DYNC2H1: variants seen among roughly 807,000 people sequenced by gnomAD.
DYNC2H1 encodes cytoplasmic dynein 2 heavy chain 1.
In DYNC2H1, 410 loss-of-function variants were observed where a neutral mutation model predicts 570.0. The ratio of observed to expected loss-of-function variants is 0.72; its 90% CI spans 0.66 to 0.78. The LOEUF is 0.78. Among genes scored for constraint, DYNC2H1 ranks in the 30% least tolerant of loss-of-function variants. The pLI, the probability that DYNC2H1 is intolerant of heterozygous loss-of-function variation, is 0.00. For missense variants in DYNC2H1, 4,865 were observed against 5,046.4 expected (o/e 0.96, Z 1.09); for synonymous variants, 1,688 against 1,677.6 (o/e 1.01, Z -0.15).
At position 103,153,464 on chromosome 11, in the gene DYNC2H1, A is replaced by G. The variant is rs1322276844; in HGVS notation, c.3258A>G (p.Lys1086=). The change falls in exon 22 of 89, where the codon AAA becomes AAG. Residue 1086 remains lysine, a synonymous_variant. Transcript: ENST00000375735. The stretch of plus-strand genomic sequence containing the variant: ...AAAGTGCAAAGTTAATAAAAGAGAA[A>G]AAAATTGAGTTTGATGATCTTGAAG... ...LDKSAKLIKE[K]KIEFDDLEVT... 3.3e-5 allele frequency: 52 copies of G among 1,568,296 alleles called. No homozygotes were observed. Among genetic ancestry groups the G allele is most frequent in the Non-Finnish European group, 4.1e-5 (48 of 1,158,532 alleles).
chr11:103,290,681 C>G (rs1272179939), intron 75 of DYNC2H1, among the ~76,000 whole-genome samples: 1 of 152,006 alleles, frequency 6.6e-6, no homozygotes, highest in Non-Finnish European at 1.5e-5. Context: ...TCTCTGCCCC[C>G]CTACTCCTAT....
At chr11:103,430,892 T>C (rs1943863783) in intron 84 of DYNC2H1, among the ~76,000 whole-genome samples, 1 of 152,184 alleles carries the variant, frequency 6.6e-6, no homozygotes, top group Non-Finnish European at 1.5e-5. Flanking sequence ...TCACAGTGCT[T>C]ATCGCTATTA....
chr11:103,450,196 G>A (rs1189876543), intron 85 of DYNC2H1, among the ~76,000 whole-genome samples: 1 of 152,106 alleles, frequency 6.6e-6, no homozygotes, highest in Non-Finnish European at 1.5e-5. Context: ...AACAGAGTTT[G>A]AAAATAAATG....
chr11:103,313,295 C>T (rs892149779), intron 79 of DYNC2H1, among the ~76,000 whole-genome samples: 2 of 152,174 alleles, frequency 1.3e-5, no homozygotes, highest in Admixed American at 1.3e-4. Context: ...CTCTTTCTCA[C>T]CAAAGGCTCT....
intron 77 of DYNC2H1, among the ~76,000 whole-genome samples, chr11:103,306,359 C>T (rs547923420): frequency 1.9e-4 from 29 of 152,002 alleles, no homozygotes; most frequent in Non-Finnish European, 3.5e-4. Flanking sequence ...AATTAGAACT[C>T]GTAGAAACAG....
chr11:103,158,043 C>T (rs920523082), intron 26 of DYNC2H1, among the ~76,000 whole-genome samples: 1 of 152,158 alleles, frequency 6.6e-6, no homozygotes. Flanking sequence ...TTTAACAATA[C>T]TTTACTTTTC....
intron 87 of DYNC2H1, among the ~76,000 whole-genome samples, chr11:103,467,516 GTTTT>G (rs1260242101): frequency 2.4e-4 from 6 of 25,274 alleles, no homozygotes; most frequent in Admixed American, 5.5e-4. Flanking sequence ...GCACTGTTTT[GTTTT>G]GTTTTGTTTT....
chr11:103,401,321 C>T (rs961953699), intron 84 of DYNC2H1, among the ~76,000 whole-genome samples: 12 of 152,000 alleles, frequency 7.9e-5, no homozygotes, highest in South Asian at 2.1e-4. Context: ...AACTATATGC[C>T]GTACAGAGTA....
chr11:103,257,785 A>T lies in DYNC2H1; in HGVS notation c.10605+34A>T, dbSNP rs1243573829. The T allele has an allele frequency of 6.1e-6, 9 of 1,466,236 alleles. No individual in the cohort carries two copies. The South Asian group carries it at 1.2e-4, about 20-fold the overall frequency. The allele number at this position is 1,466,236 out of a possible 1,614,324, so 90.8% of individuals were successfully genotyped here. On this transcript the variant is annotated intron_variant, in intron 69 of 88. Transcript: ENST00000375735. The stretch of plus-strand genomic sequence containing the variant: ...TTGGATACCCTGTACCAGAGACTGA[A>T]TTACAGGGATTACTTTACTAGGGAT...
chr11:103,208,156 T>A (rs2931803), intron 52 of DYNC2H1, among the ~76,000 whole-genome samples: 1 of 152,100 alleles, frequency 6.6e-6, no homozygotes, highest in Non-Finnish European at 1.5e-5. Context: ...TGACAAAAGG[T>A]TGGTGGCTAA....
In DYNC2H1 at chr11:103,252,380, A is replaced by T. The variant is rs755282314; in HGVS notation, c.10043-905A>T. On this transcript the variant is annotated intron_variant, in intron 65 of 88. Coordinates refer to ENST00000375735, the MANE Select transcript of DYNC2H1 (RefSeq NM_001377.3). This position sits in a 1 kb window ranked among gnomAD's most constrained non-coding sequence, Gnocchi z 4.6. Reference sequence around the variant, plus strand: ...CTTTGGGCATATACCCAGAAAAAAGATTGCTGGGTCATATGGTAGTTCTGT... The same window carrying T: ...CTTTGGGCATATACCCAGAAAAAAGTTTGCTGGGTCATATGGTAGTTCTGT... Among the ~76,000 whole-genome samples, 1 of 152,150 alleles carries T rather than the reference A, an allele frequency of 6.6e-6. No homozygotes were observed. The highest frequency in any genetic ancestry group is 2.1e-4 in the South Asian group (1 of 4,826).
At chr11:103,405,628 A>G (rs1339787441) in intron 84 of DYNC2H1, 1 of 151,996 alleles carries the variant, frequency 6.6e-6, no homozygotes, top group African/African-American at 2.4e-5. Context: ...GATTGGTATG[A>G]CCATAAAGAA....
At chr11:103,152,358 C>T in intron 21 of DYNC2H1, 73 bp downstream of exon 21, 3 of 1,361,820 alleles carry the variant, frequency 2.2e-6, no homozygotes, top group Non-Finnish European at 3.0e-6. Flanking sequence ...ATCTTTTATT[C>T]CTTTATAGCC....
chr11:103,124,468 A>G (rs1044433904), intron 11 of DYNC2H1, among the ~76,000 whole-genome samples: 1 of 139,770 alleles, frequency 7.2e-6, no homozygotes, highest in Non-Finnish European at 1.6e-5. Flanking sequence ...AAAAAAAAAA[A>G]GCAGCATTAT....
At chr11:103,315,871 ATT>A (rs1328644547) in intron 79 of DYNC2H1, among the ~76,000 whole-genome samples, 1 of 151,898 alleles carries the variant, frequency 6.6e-6, no homozygotes, top group African/African-American at 2.4e-5. Flanking sequence ...TTTTAAAAAT[ATT>A]TTTTGAGTGT....
At chr11:103,416,082 T>C (rs1049244428) in intron 84 of DYNC2H1, among the ~76,000 whole-genome samples, 2 of 152,110 alleles carry the variant, frequency 1.3e-5, no homozygotes, top group Non-Finnish European at 2.9e-5. Flanking sequence ...TTCTCACTCA[T>C]AGGTGGGAAT....
chr11:103,358,892 G>T (rs1940495678), intron 83 of DYNC2H1, among the ~76,000 whole-genome samples: 1 of 152,098 alleles, frequency 6.6e-6, no homozygotes, highest in Non-Finnish European at 1.5e-5. Flanking sequence ...ATATGAAAAT[G>T]GAATAATTTG....
chr11:103,417,820 G>A (rs937023157), intron 84 of DYNC2H1, among the ~76,000 whole-genome samples: 1 of 150,804 alleles, frequency 6.6e-6, no homozygotes, highest in Non-Finnish European at 1.5e-5. Context: ...AGGTTGCAGT[G>A]AGCCAAGATT....
chr11:103,364,825 A>C (rs986583239), intron 83 of DYNC2H1, among the ~76,000 whole-genome samples: 1 of 152,114 alleles, frequency 6.6e-6, no homozygotes, highest in Non-Finnish European at 1.5e-5. Flanking sequence ...GAGGGAGGGC[A>C]TGCCCTCTCG....
Sources: gnomAD v4.1 joint callset for allele counts (sites outside exome capture counted in the v4.1 genomes callset) on GRCh38, gnomAD v4.1.1 for gene constraint, Gnocchi (gnomAD v3.1) non-coding constraint, MANE v1.5 for transcripts, NCBI Gene and HGNC (gene_info 2026-07-23, HGNC 2026-07-21) for gene names.